DUSP12: variants seen among roughly 807,000 people sequenced by gnomAD.
DUSP12 encodes dual specificity protein phosphatase 12.
DUSP12 carries 25 observed loss-of-function variants against 38.9 expected under a neutral mutation model. The ratio of observed to expected loss-of-function variants is 0.64; its 90% CI spans 0.47 to 0.90. DUSP12 has a LOEUF of 0.90. Ranked by LOEUF, DUSP12 falls within the 40% of genes least tolerant of loss-of-function variation. The pLI, the probability that DUSP12 is intolerant of heterozygous loss-of-function variation, is 0.00. For missense variants in DUSP12, 403 were observed against 427.0 expected, an observed-to-expected ratio of 0.94 and a Z score of 0.50; for synonymous variants, 153 against 153.9, an observed-to-expected ratio of 0.99 and a Z score of 0.05.
At position 161,750,069 on chromosome 1, in the gene DUSP12, C is replaced by T. The variant is rs1683991036; in HGVS notation, c.268C>T (p.Leu90=). The change falls in exon 1 of 6, where the codon CTA becomes TTA. Residue 90 remains leucine, a synonymous_variant. Transcript: ENST00000367943. ...VPALDKPETD[L]LSHLDRCVAF... Reference sequence around the variant, plus strand: ...AGCGCTGGACAAACCCGAGACGGACCTACTCAGCCATCTGGACCGGTGCGT... The same window carrying T: ...AGCGCTGGACAAACCCGAGACGGACTTACTCAGCCATCTGGACCGGTGCGT... The T allele has an allele frequency of 1.9e-6, 3 of 1,614,050 alleles. No individual in the cohort carries two copies. In the Admixed American group the frequency reaches 5.0e-5, roughly 27 times the overall value.
Position 161,756,795 on chromosome 1 carries a change from C to A in DUSP12, c.871C>A (p.Pro291Thr), listed in dbSNP as rs1237846045. 1 of 1,609,282 alleles carries A rather than the reference C, an allele frequency of 6.2e-7. No individual in the cohort carries two copies. Among genetic ancestry groups the A allele is most frequent in the Non-Finnish European group, 8.5e-7 (1 of 1,177,314 alleles). The stretch of plus-strand genomic sequence containing the variant: ...ATTTGCTTTATTTCAGCTTCTTTGC[C>A]CAAAATGCAGTGCCAAGTTGGGTTC... ...LGVMDGQLLC[P>T]KCSAKLGSFN... Residue 291 changes from proline to threonine, a missense_variant, in exon 6 of 6, where the codon CCA becomes ACA. Transcript: ENST00000367943.
intron 5 of DUSP12, among the ~76,000 whole-genome samples, chr1:161,756,483 C>CCATATATA (rs1236848898): frequency 3.2e-5 from 4 of 124,700 alleles, no homozygotes; most frequent in Non-Finnish European, 6.9e-5. Flanking sequence ...GATTTAAAAG[C>CCATATATA]TATATATATA....
chr1:161,750,475 T>A (rs1683999739), intron 1 of DUSP12, among the ~76,000 whole-genome samples: 1 of 152,244 alleles, frequency 6.6e-6, no homozygotes, highest in African/African-American at 2.4e-5. Context: ...CCCCGATTAT[T>A]GTAATGCAGA....
Position 161,756,869 on chromosome 1 carries a change from T to G in DUSP12, c.945T>G (p.Pro315=). 1 of 1,614,036 alleles carries G rather than the reference T, an allele frequency of 6.2e-7. No homozygotes were observed. The highest frequency in any genetic ancestry group is 8.5e-7 in the Non-Finnish European group (1 of 1,179,914). Residue 315 remains proline (P), a synonymous_variant, in exon 6 of 6, where the codon CCT becomes CCG. Coordinates refer to ENST00000367943, the MANE Select transcript of DUSP12 (RefSeq NM_007240.3). The stretch of plus-strand genomic sequence containing the variant: ...GCTCTTGTGGTAGGTGGATAACACC[T>G]GCTTTTCAAATACATAAGAATAGAG... ...EQCSCGRWIT[P]AFQIHKNRVD...
At position 161,751,800 on chromosome 1, in the gene DUSP12, G is replaced by C; in HGVS notation, c.458+19G>C. On this transcript the variant is annotated intron_variant, in intron 2 of 5. Coordinates refer to ENST00000367943, the MANE Select transcript of DUSP12 (RefSeq NM_007240.3). ...AGGCTAAGTGGGTTCTTTTTTTATAGTAATAATTATGCTTTTGTGATATAA... is the reference window on the plus strand; with the variant it reads ...AGGCTAAGTGGGTTCTTTTTTTATACTAATAATTATGCTTTTGTGATATAA... 6.2e-7 allele frequency: 1 copy of C among 1,602,568 alleles called. No individual in the cohort carries two copies. Among genetic ancestry groups the C allele is most frequent in the South Asian group, 1.1e-5 (1 of 88,348 alleles).
intron 1 of DUSP12, among the ~76,000 whole-genome samples, chr1:161,750,781 C>T (rs1051043025): frequency 2.6e-5 from 4 of 152,060 alleles, no homozygotes; most frequent in East Asian, 3.9e-4. Flanking sequence ...AAAAATTAGC[C>T]GGGCGTGGTG....
Position 161,749,828 on chromosome 1 carries a change from T to C in DUSP12, c.27T>C (p.Asp9=). 6.3e-7 allele frequency: 1 copy of C among 1,589,098 alleles called. No homozygotes were observed. The highest frequency in any genetic ancestry group is 8.6e-7 in the Non-Finnish European group (1 of 1,168,342). ...TGTTGGAGGCTCCGGGCCCGAGTGATGGCTGCGAGCTCAGCAACCCCAGCG... is the reference window on the plus strand; with the variant it reads ...TGTTGGAGGCTCCGGGCCCGAGTGACGGCTGCGAGCTCAGCAACCCCAGCG... MLEAPGPS[D]GCELSNPSAS... is the part of the protein sequence containing the mutation. Residue 9 remains aspartate (D), a synonymous_variant, in exon 1 of 6, where the codon GAT becomes GAC. Transcript: ENST00000367943.
At chr1:161,754,623 G>A (rs964762656) in intron 5 of DUSP12, among the ~76,000 whole-genome samples, 3 of 152,172 alleles carry the variant, frequency 2.0e-5, no homozygotes, top group Non-Finnish European at 4.4e-5. Flanking sequence ...GGAGAGAGAA[G>A]CATATGTGAA....
At chr1:161,756,483 CTATATATA>C (rs10527814) in intron 5 of DUSP12, among the ~76,000 whole-genome samples, 14,551 of 124,454 alleles carry the variant, frequency 0.12, 1,999 homozygotes, top group African/African-American at 0.31. Context: ...GATTTAAAAG[CTATATATA>C]TATATATATA....
chr1:161,751,602 G>T (rs1471793141), intron 1 of DUSP12, 66 bp from the exon 2 acceptor site: 39 of 1,560,492 alleles, frequency 2.5e-5, no homozygotes, highest in Non-Finnish European at 3.2e-5. Context: ...TAGGGGGCTG[G>T]GCTTTGTGTG....
chr1:161,752,057 C>G (rs978597334), intron 3 of DUSP12, 73 bp downstream of exon 3: 1 of 1,008,460 alleles, frequency 9.9e-7, no homozygotes, highest in Admixed American at 2.2e-5. Context: ...CTTTACCTTA[C>G]TTCCAGCAAT....
chr1:161,752,610 C>A (rs770140488), intron 4 of DUSP12, 146 bp downstream of exon 4: 12 of 596,498 alleles, frequency 2.0e-5, no homozygotes, highest in Non-Finnish European at 3.0e-5. Flanking sequence ...AATATAAATT[C>A]TTAAAAAGAG....
intron 5 of DUSP12, among the ~76,000 whole-genome samples, chr1:161,754,552 G>A (rs535751016): frequency 6.6e-6 from 1 of 152,266 alleles, no homozygotes; most frequent in East Asian, 1.9e-4. Flanking sequence ...GGTTGGGGAG[G>A]CCTCAGGAAA....
At chr1:161,756,483 CTATATATATATA>C (rs10527814) in intron 5 of DUSP12, among the ~76,000 whole-genome samples, 2,208 of 124,686 alleles carry the variant, frequency 0.018, 50 homozygotes, top group African/African-American at 0.046. Flanking sequence ...GATTTAAAAG[CTATATATATATA>C]TATATATATA....
Position 161,757,180 on chromosome 1 carries a change from A to G in DUSP12, c.*233A>G, listed in dbSNP as rs1684123685. 6.0e-6 allele frequency: 2 copies of G among 332,374 alleles called. No individual in the cohort carries two copies. The highest frequency in any genetic ancestry group is 1.1e-5 in the Non-Finnish European group (2 of 182,386). 20.6% of individuals were successfully genotyped at this position (332,374 alleles called of 1,614,324 possible). A position where few individuals can be genotyped will look rare whatever the true frequency, so the allele number is the denominator to read the frequency against. ...TAACCAGATACTGTCTGTGTTTCAT[A>G]TATTTTTAAAAGTTTTGATTGTTGG... On this transcript the variant is annotated 3_prime_UTR_variant, in exon 6 of 6. Transcript: ENST00000367943.
chr1:161,756,768 A>T lies in DUSP12; in HGVS notation c.862-18A>T, dbSNP rs1042784235. On this transcript the variant is annotated intron_variant, in intron 5 of 5. Coordinates refer to ENST00000367943, the MANE Select transcript of DUSP12 (RefSeq NM_007240.3). ...TATAAAAGTGAATGAATAAAGTAAC[A>T]CATTTGCTTTATTTCAGCTTCTTTG... 4 of 1,609,912 alleles carry T rather than the reference A, an allele frequency of 2.5e-6. No homozygotes were observed. The highest frequency in any genetic ancestry group is 3.4e-6 in the Non-Finnish European group (4 of 1,177,710).
intron 5 of DUSP12, among the ~76,000 whole-genome samples, chr1:161,755,535 G>T (rs1684095023): frequency 6.6e-6 from 1 of 152,130 alleles, no homozygotes; most frequent in Non-Finnish European, 1.5e-5. Context: ...TTGTCAGTCT[G>T]TGGGGTAAAA....
At position 161,756,914 on chromosome 1, in the gene DUSP12, G is replaced by T. The variant is rs774943915; in HGVS notation, c.990G>T (p.Leu330Phe). ...HKNRVDEMKILPVLGSQTGKI is the reference protein window; with the variant it reads ...HKNRVDEMKIFPVLGSQTGKI ...ATAGAGTGGATGAAATGAAAATATT[G>T]CCTGTTTTGGGATCACAAACAGGAA... Residue 330 changes from leucine (L) to phenylalanine (F), a missense_variant, in exon 6 of 6, where the codon TTG (leucine) becomes TTT (phenylalanine). Leu to Phe is a conservative substitution (Grantham distance 22, BLOSUM62 0). Transcript: ENST00000367943. 2.5e-5 allele frequency: 40 copies of T among 1,611,898 alleles called. No homozygotes were observed. Among genetic ancestry groups the T allele is most frequent in the Non-Finnish European group, 3.3e-5 (39 of 1,178,742 alleles).
Position 161,751,891 on chromosome 1 carries a change from C to G in DUSP12, c.484C>G (p.Leu162Val). ...GATGAATGAGGGGTTTGAGTGGCAACTGAAATTATACCAGGCAATGGGATA... is the reference window on the plus strand; with the variant it reads ...GATGAATGAGGGGTTTGAGTGGCAAGTGAAATTATACCAGGCAATGGGATA... ...AKMNEGFEWQ[L>V]KLYQAMGYEV... The change falls in exon 3 of 6, where the codon CTG (leucine) becomes GTG (valine). Residue 162 changes from leucine (L) to valine (V), a missense_variant. Coordinates refer to ENST00000367943, the MANE Select transcript of DUSP12 (RefSeq NM_007240.3). The G allele has an allele frequency of 6.2e-7, 1 of 1,612,888 alleles. No individual in the cohort carries two copies. Among genetic ancestry groups the G allele is most frequent in the Non-Finnish European group, 8.5e-7 (1 of 1,179,558 alleles).
Sources: allele counts gnomAD v4.1 joint callset (sites outside exome capture counted in the v4.1 genomes callset), GRCh38; gene constraint gnomAD v4.1.1; transcripts MANE v1.5; gene names NCBI Gene and HGNC (gene_info 2026-07-23, HGNC 2026-07-21).